NPAS2: variants seen among roughly 807,000 people sequenced by gnomAD.
The protein encoded by NPAS2 is neuronal PAS domain-containing protein 2.
In NPAS2, 23 loss-of-function variants were observed where a neutral mutation model predicts 107.5. The ratio of observed to expected loss-of-function variants is 0.21; its 90% CI spans 0.15 to 0.30. The LOEUF (loss-of-function observed/expected upper bound fraction) is 0.30, where lower values mean the gene tolerates loss of function less well. Among genes scored for constraint, NPAS2 ranks in the 10% least tolerant of loss-of-function variants. The pLI is 1.00. For synonymous variants in NPAS2, 403 were observed against 417.5 expected (o/e 0.97, Z 0.42); for missense variants, 756 against 1,043.3 (o/e 0.72, Z 3.79).
intron 5 of NPAS2, among the ~76,000 whole-genome samples, chr2:100,942,722 C>T (rs1377184624): frequency 6.6e-6 from 1 of 152,132 alleles, no homozygotes; most frequent in Non-Finnish European, 1.5e-5. Context: ...CAACCATTTT[C>T]CTGACTTTTA....
chr2:100,977,928 G>A, intron 15 of NPAS2, 129 bp downstream of exon 15: 3 of 737,846 alleles, frequency 4.1e-6, no homozygotes, highest in East Asian at 2.7e-5. Flanking sequence ...CCCAATGTGT[G>A]TGTGGCCTGT....
rs148334512 is a variant in NPAS2, at chr2:100,960,440, G to A, written c.599-3618G>A. Among the ~76,000 whole-genome samples the A allele has an allele frequency of 5.6e-3, 848 of 151,772 alleles. 8 individuals are homozygous for A. Among genetic ancestry groups the A allele is most frequent in the African/African-American group, 0.019 (802 of 41,374 alleles). ...TAGCCTGGCATTGTGGCACATGCCT[G>A]GGGCACAGAGCAAGACTCTGTCTCA... On this transcript the variant is annotated intron_variant, in intron 7 of 20. Transcript: ENST00000335681.
chr2:100,898,258 G>C (rs1157185746), intron 1 of NPAS2, among the ~76,000 whole-genome samples: 2 of 152,140 alleles, frequency 1.3e-5, no homozygotes, highest in Non-Finnish European at 1.5e-5. Flanking sequence ...ACGGAATCTT[G>C]CTGTGTTGCC....
intron 4 of NPAS2, 94 bp downstream of exon 4, chr2:100,933,095 T>C: frequency 1.1e-6 from 1 of 905,100 alleles, no homozygotes; most frequent in Non-Finnish European, 1.8e-6. Context: ...AAACTACTGT[T>C]CTTGATCCTG....
At chr2:100,911,736 A>AAGT (rs1165901690) in intron 2 of NPAS2, among the ~76,000 whole-genome samples, 2 of 152,014 alleles carry the variant, frequency 1.3e-5, no homozygotes, top group African/African-American at 2.4e-5. Flanking sequence ...GGTTCAAGCC[A>AAGT]TCCTCCTGTC....
At chr2:100,819,756 T>C (rs141149275), upstream of NPAS2, among the ~76,000 whole-genome samples, 11 of 151,470 alleles carry the variant, frequency 7.3e-5, no homozygotes, top group Middle Eastern at 3.4e-3. This position sits in a 1 kb window ranked among gnomAD's most constrained non-coding sequence, Gnocchi z 5.8. Flanking sequence ...CTAGTCCACT[T>C]GCCTCTCCTC....
chr2:100,943,957 CT>C (rs1424462025), intron 5 of NPAS2, among the ~76,000 whole-genome samples: 1 of 152,124 alleles, frequency 6.6e-6, no homozygotes, highest in Non-Finnish European at 1.5e-5. Flanking sequence ...ACCTTTCCCC[CT>C]TTTTTAGGGC....
At chr2:100,887,485 T>A (rs1680770383) in intron 1 of NPAS2, among the ~76,000 whole-genome samples, 1 of 152,180 alleles carries the variant, frequency 6.6e-6, no homozygotes, top group Non-Finnish European at 1.5e-5. Context: ...GAGGACGTCA[T>A]GCAGGCGAGC....
intron 1 of NPAS2, among the ~76,000 whole-genome samples, chr2:100,882,527 G>A (rs1455326220): frequency 6.6e-6 from 1 of 152,166 alleles, no homozygotes; most frequent in African/African-American, 2.4e-5. Flanking sequence ...CAGGAGAATG[G>A]CGTAAAACCC....
chr2:100,887,696 A>C (rs560547805), intron 1 of NPAS2, among the ~76,000 whole-genome samples: 1 of 134,014 alleles, frequency 7.5e-6, no homozygotes, highest in East Asian at 2.4e-4. Flanking sequence ...TTTTTTTTTG[A>C]GCCATCTTCC....
chr2:100,881,194 A>G (rs958142102), intron 1 of NPAS2, among the ~76,000 whole-genome samples: 1 of 152,230 alleles, frequency 6.6e-6, no homozygotes, highest in Admixed American at 6.5e-5. Flanking sequence ...CCTCGGCCCC[A>G]ACAGGGATTT....
At chr2:100,933,965 A>C (rs1268350892) in intron 4 of NPAS2, 1 of 152,246 alleles carries the variant, frequency 6.6e-6, no homozygotes, top group Non-Finnish European at 1.5e-5. Context: ...GACTGATGTA[A>C]ACTTCAATTT....
chr2:100,982,194 C>CT (rs1677486117), intron 15 of NPAS2, 37 bp from the exon 16 acceptor site: 1 of 1,612,920 alleles, frequency 6.2e-7, no homozygotes, highest in Non-Finnish European at 8.5e-7. Context: ...TGAAATAACT[C>CT]TTTCATCTGA....
chr2:100,836,272 A>T (rs557403480), intron 1 of NPAS2, among the ~76,000 whole-genome samples: 2 of 152,264 alleles, frequency 1.3e-5, no homozygotes, highest in South Asian at 4.2e-4. Flanking sequence ...CCTCACTTCG[A>T]TGTGTACCAC....
intron 19 of NPAS2, 52 bp from the exon 20 acceptor site, chr2:100,993,295 T>C: frequency 6.8e-7 from 1 of 1,471,842 alleles, no homozygotes; most frequent in Non-Finnish European, 9.1e-7. Flanking sequence ...TTTGGTGTCG[T>C]ATCAATACTG....
upstream of NPAS2, chr2:100,820,131 C>T (rs1296588771): frequency 6.6e-6 from 1 of 151,394 alleles, no homozygotes. The surrounding 1 kb of genome is among the most constrained non-coding windows in gnomAD (Gnocchi z 5.6). Context: ...GCTCTCCCCG[C>T]CGGCTCTGCG....
chr2:100,914,087 A>G (rs547293795), intron 2 of NPAS2, among the ~76,000 whole-genome samples: 1 of 152,252 alleles, frequency 6.6e-6, no homozygotes, highest in Non-Finnish European at 1.5e-5. Context: ...GGTGTAAATA[A>G]TATGCATTTG....
intron 1 of NPAS2, among the ~76,000 whole-genome samples, chr2:100,840,686 C>T (rs1422662856): frequency 6.6e-6 from 1 of 151,880 alleles, no homozygotes; most frequent in African/African-American, 2.4e-5. Context: ...ATTCCAGAGT[C>T]GATCTGTCAG....
At position 100,956,822 on chromosome 2, in the gene NPAS2, T is replaced by C. The variant is rs546582253; in HGVS notation, c.599-7236T>C. ...CTCGCCCACATGGCTACCCGGGATT[T>C]GTCAGGCTCTGTACACAATGTGATG... is the stretch of plus-strand genomic sequence containing the variant. On this transcript the variant is annotated intron_variant, in intron 7 of 20. Coordinates refer to ENST00000335681, the MANE Select transcript of NPAS2 (RefSeq NM_002518.4). Among the ~76,000 whole-genome samples the C allele has an allele frequency of 2.0e-5, 3 of 152,314 alleles. No homozygotes were observed. In the South Asian group the frequency reaches 6.2e-4, roughly 32 times the overall value.
Sources: allele counts gnomAD v4.1 joint callset (sites outside exome capture counted in the v4.1 genomes callset), GRCh38; gene constraint gnomAD v4.1.1; non-coding constraint Gnocchi (gnomAD v3.1); transcripts MANE v1.5; gene names NCBI Gene and HGNC (gene_info 2026-07-23, HGNC 2026-07-21).